Variants in IRS2 observed in about 807,000 individuals in gnomAD.
The protein encoded by IRS2 is insulin receptor substrate 2.
IRS2 carries 28 observed loss-of-function variants against 70.9 expected under a neutral mutation model. The ratio of observed to expected loss-of-function variants is 0.39; its 90% CI spans 0.29 to 0.54. The LOEUF is 0.54. Ranked by LOEUF, IRS2 falls within the 20% of genes least tolerant of loss-of-function variation. IRS2 has a pLI of 0.59. For missense variants in IRS2, 2,081 were observed against 2,024.1 expected (o/e 1.03, Z -0.54); for synonymous variants, 1,217 against 981.9 (o/e 1.24, Z -4.48).
At chr13:109,775,513 A>G (rs1239370782) in intron 1 of IRS2, among the ~76,000 whole-genome samples, 2 of 152,194 alleles carry the variant, frequency 1.3e-5, no homozygotes, top group African/African-American at 4.8e-5. Context: ...CACATAGTAT[A>G]ATGAACTATA....
At position 109,784,590 on chromosome 13, in the gene IRS2, G is replaced by A. The variant is rs1877853592; in HGVS notation, c.1464C>T (p.Ala488=). 2.2e-6 allele frequency: 3 copies of A among 1,362,980 alleles called. No individual in the cohort carries two copies. Among genetic ancestry groups the A allele is most frequent in the Non-Finnish European group, 1.9e-6 (2 of 1,063,536 alleles). 84.4% of individuals were successfully genotyped at this position (1,362,980 alleles called of 1,614,324 possible). A position where few individuals can be genotyped will look rare whatever the true frequency, so the allele number is the denominator to read the frequency against. The change falls in exon 1 of 2, where the codon GCC becomes GCT. Residue 488 remains alanine, a synonymous_variant. Transcript: ENST00000375856. The surrounding 1 kb of genome is among the most constrained non-coding windows in gnomAD (Gnocchi z 5.2). ...GQRPSSGSAS[A]SGSPSDPGFM... ...AGCCGGGGTCGCTGGGGGAGCCCGA[G>A]GCGGAGGCGCTGCCGCTGGAGGGCC...
chr13:109,778,759 T>A (rs1318600407), intron 1 of IRS2, among the ~76,000 whole-genome samples: 1 of 152,224 alleles, frequency 6.6e-6, no homozygotes, highest in Non-Finnish European at 1.5e-5. Context: ...GTAATTCTGA[T>A]CTAATCTGTC....
Position 109,784,366 on chromosome 13 carries a change from G to C in IRS2, c.1688C>G (p.Ala563Gly), listed in dbSNP as rs1877843515. 2 of 1,609,586 alleles carry C rather than the reference G, an allele frequency of 1.2e-6. No homozygotes were observed. Among genetic ancestry groups the C allele is most frequent in the South Asian group, 2.2e-5 (2 of 91,034 alleles). ...CAGCCCTCGGTCCAGGTCCTGGGCC[G>C]CGTCCCCCGAGACCCGGCGGTAGGA... is the stretch of plus-strand genomic sequence containing the variant. ...GRSYRRVSGDAAQDLDRGLRK... is the reference protein window; with the variant it reads ...GRSYRRVSGDGAQDLDRGLRK... The change falls in exon 1 of 2, where the codon GCG (alanine) becomes GGG (glycine). Residue 563 changes from alanine to glycine, a missense_variant. Ala to Gly is a moderately conservative substitution (Grantham distance 60). This residue lies in a region of IRS2 where 1,615 missense variants were observed against 1,459.5 expected (regional missense o/e 1.11). Transcript: ENST00000375856. The surrounding 1 kb of genome is among the most constrained non-coding windows in gnomAD (Gnocchi z 5.2).
Position 109,785,879 on chromosome 13 carries a change from C to A in IRS2, c.175G>T (p.Glu59Ter). 6.7e-7 allele frequency: 1 copy of A among 1,501,830 alleles called. No individual in the cohort carries two copies. Among genetic ancestry groups the A allele is most frequent in the Non-Finnish European group, 8.8e-7 (1 of 1,131,352 alleles). The allele number at this position is 1,501,830 out of a possible 1,614,324, so 93.0% of individuals were successfully genotyped here. A position where few individuals can be genotyped will look rare whatever the true frequency, so the allele number is the denominator to read the frequency against. Residue 59 changes from glutamate to a stop codon, truncating the protein, a stop_gained, in exon 1 of 2, where the codon GAG becomes TAG. Transcript: ENST00000375856. LOFTEE classifies it high-confidence loss of function. The surrounding 1 kb of genome is among the most constrained non-coding windows in gnomAD (Gnocchi z 9.3). Reference protein sequence around the residue: ...VLRGPGAGGDEATAGGGSAPQ... With the variant: ...VLRGPGAGGD ...GCCGACCCCCCGCCCGCCGTCGCCT[C>A]GTCGCCGCCCGCGCCGGGTCCGCGC...
Position 109,786,185 on chromosome 13 carries a change from G to T in IRS2, c.-132C>A. ...GCCCGCCCGATCACGCGTCCCTCGG[G>T]CCCAGGCGGTGGGGAAGGTCCGGGG... On this transcript the variant is annotated 5_prime_UTR_variant, in exon 1 of 2. Transcript: ENST00000375856. The surrounding 1 kb of genome is among the most constrained non-coding windows in gnomAD (Gnocchi z 4.4). 1 of 426,744 alleles carries T rather than the reference G, an allele frequency of 2.3e-6. No individual in the cohort carries two copies. The highest frequency in any genetic ancestry group is 3.1e-6 in the Non-Finnish European group (1 of 321,924). The allele number at this position is 426,744 out of a possible 1,614,324, so 26.4% of individuals were successfully genotyped here. A position where few individuals can be genotyped will look rare whatever the true frequency, so the allele number is the denominator to read the frequency against.
Position 109,782,263 on chromosome 13 carries a change from A to C in IRS2, c.3791T>G (p.Leu1264Arg), listed in dbSNP as rs758522586. The C allele has an allele frequency of 6.2e-7, 1 of 1,607,118 alleles. No homozygotes were observed. Among genetic ancestry groups the C allele is most frequent in the South Asian group, 1.1e-5 (1 of 90,718 alleles). Residue 1264 changes from leucine (L) to arginine (R), a missense_variant, in exon 1 of 2, where the codon CTG (leucine) becomes CGG (arginine). Around this residue, in one of 4 missense-constraint regions of IRS2, gnomAD observed 1,615 missense variants for 1,459.5 expected, o/e 1.11. Coordinates refer to ENST00000375856, the MANE Select transcript of IRS2 (RefSeq NM_003749.3). ...CGGCGGCGGCTGCGGCTGGGGTGGC[A>C]GCCCGGGCTCCTCCCTCACGTCGAT... ...IAIDVREEPG[L>R]PPQPQPPPPP...
intron 1 of IRS2, among the ~76,000 whole-genome samples, chr13:109,772,729 G>C (rs12584130): frequency 0.6 from 88,747 of 146,918 alleles, 28,227 homozygotes; most frequent in African/African-American, 0.81. Context: ...CGCTCTGTCG[G>C]CCAGGCCGGA....
At chr13:109,762,399 G>A (rs1460720958) in intron 1 of IRS2, among the ~76,000 whole-genome samples, 1 of 152,174 alleles carries the variant, frequency 6.6e-6, no homozygotes, top group Non-Finnish European at 1.5e-5. Context: ...ACAACTTGCT[G>A]AAGCCTCCCT....
Position 109,786,506 on chromosome 13 carries a change from C to T in IRS2, c.-453G>A, listed in dbSNP as rs1222160582. 6.5e-6 allele frequency: 1 copy of T among 154,286 alleles called. No homozygotes were observed. The highest frequency in any genetic ancestry group is 1.4e-5 in the Non-Finnish European group (1 of 70,466). 9.6% of individuals were successfully genotyped at this position (154,286 alleles called of 1,614,324 possible). On this transcript the variant is annotated 5_prime_UTR_variant, in exon 1 of 2. Coordinates refer to ENST00000375856, the MANE Select transcript of IRS2 (RefSeq NM_003749.3). This position sits in a 1 kb window ranked among gnomAD's most constrained non-coding sequence, Gnocchi z 4.4. Reference sequence around the variant, plus strand: ...GGGGTCCGCGCCGCCGCCGGGGCTGCTGCTGCTGCTGGTGTTGCTGCTGCT... The same window carrying T: ...GGGGTCCGCGCCGCCGCCGGGGCTGTTGCTGCTGCTGGTGTTGCTGCTGCT...
In IRS2 at chr13:109,785,122, G is replaced by A. The variant is rs1256196259; in HGVS notation, c.932C>T (p.Ser311Leu). Residue 311 changes from serine to leucine, a missense_variant, in exon 1 of 2, where the codon TCG becomes TTG. By Grantham distance (145) the Ser-to-Leu change is moderately radical. Transcript: ENST00000375856. This position sits in a 1 kb window ranked among gnomAD's most constrained non-coding sequence, Gnocchi z 9.3. ...GACGCTGATGGGGTGCGTGGCCGAC[G>A]ACCCCGACGATTGGCTCTTACTGCG... ...RPRSKSQSSG[S>L]SATHPISVPG... 1.3e-5 allele frequency: 20 copies of A among 1,593,128 alleles called. No homozygotes were observed. The highest frequency in any genetic ancestry group is 2.3e-5 in the East Asian group (1 of 43,854).
intron 1 of IRS2, among the ~76,000 whole-genome samples, chr13:109,763,491 C>G (rs960870335): frequency 7.9e-5 from 12 of 152,200 alleles, no homozygotes; most frequent in Non-Finnish European, 1.3e-4. Flanking sequence ...CTAAATACAT[C>G]CTACACTAGC....
intron 1 of IRS2, among the ~76,000 whole-genome samples, chr13:109,759,261 G>C (rs1877176654): frequency 6.6e-6 from 1 of 152,212 alleles, no homozygotes; most frequent in African/African-American, 2.4e-5. Flanking sequence ...GCACAGGCCT[G>C]TGGTTTTGCT....
intron 1 of IRS2, among the ~76,000 whole-genome samples, chr13:109,780,758 A>G (rs1877677546): frequency 6.6e-6 from 1 of 152,136 alleles, no homozygotes; most frequent in Non-Finnish European, 1.5e-5. Flanking sequence ...AAATTTTACT[A>G]TATGTTTCAC....
chr13:109,785,031 G>C lies in IRS2; in HGVS notation c.1023C>G (p.Arg341=). 6.6e-7 allele frequency: 1 copy of C among 1,504,674 alleles called. No homozygotes were observed. The highest frequency in any genetic ancestry group is 8.9e-7 in the Non-Finnish European group (1 of 1,127,502). The allele number at this position is 1,504,674 out of a possible 1,614,324, so 93.2% of individuals were successfully genotyped here. Residue 341 remains arginine (R), a synonymous_variant, in exon 1 of 2, where the codon CGC becomes CGG. Coordinates refer to ENST00000375856, the MANE Select transcript of IRS2 (RefSeq NM_003749.3). This position sits in a 1 kb window ranked among gnomAD's most constrained non-coding sequence, Gnocchi z 9.3. ...TGGCGGCCAGGCTGTCGGTGCGCGA[G>C]CGGCGCACCAGGCCCGTCTGGCTGG... ...LPPSQTGLVR[R]SRTDSLAATP...
rs2138935259 is a variant in IRS2, at chr13:109,784,248, C to A, written c.1806G>T (p.Arg602=). 6.3e-7 allele frequency: 1 copy of A among 1,578,566 alleles called. No individual in the cohort carries two copies. Among genetic ancestry groups the A allele is most frequent in the Middle Eastern group, 1.7e-4 (1 of 5,944 alleles). ...GGCCCGCGCTGCCCGAGAAGGTGGC[C>A]CGCATCAGGGTGTATTCATCCAGCG... The part of the protein sequence containing the change: ...SASLDEYTLM[R]ATFSGSAGRL... Residue 602 remains arginine, a synonymous_variant, in exon 1 of 2, where the codon CGG becomes CGT. Transcript: ENST00000375856. The surrounding 1 kb of genome is among the most constrained non-coding windows in gnomAD (Gnocchi z 5.2).
At position 109,783,474 on chromosome 13, in the gene IRS2, C is replaced by T. The variant is rs751671180; in HGVS notation, c.2580G>A (p.Gln860=). The T allele has an allele frequency of 1.0e-5, 16 of 1,540,816 alleles. No homozygotes were observed. The East Asian group carries it at 1.2e-4, about 12-fold the overall frequency. Residue 860 remains glutamine (Q), a synonymous_variant, in exon 1 of 2, where the codon CAG becomes CAA. Coordinates refer to ENST00000375856, the MANE Select transcript of IRS2 (RefSeq NM_003749.3). ...GCGAAGGCACTACAGGGTGAGGGGG[C>T]TGCGTGGGGCCGGCCCCGAAGGCGC... ...AASAFGAGPT[Q]PPHPVVPSPV...
At chr13:109,779,856 G>C (rs1427283596) in intron 1 of IRS2, among the ~76,000 whole-genome samples, 2 of 152,102 alleles carry the variant, frequency 1.3e-5, no homozygotes, top group Non-Finnish European at 2.9e-5. Context: ...GAATCCTATG[G>C]GCTGAAAGGA....
Sources: gnomAD v4.1 joint callset for allele counts (sites outside exome capture counted in the v4.1 genomes callset) on GRCh38, gnomAD v4.1.1 for gene constraint, gnomAD v4.1.1 regional missense constraint, Gnocchi (gnomAD v3.1) non-coding constraint, MANE v1.5 for transcripts, NCBI Gene and HGNC (gene_info 2026-07-23, HGNC 2026-07-21) for gene names.